The following BCAT1 variants were observed in gnomAD, a reference collection of about 807,000 sequenced individuals.
BCAT1 encodes branched chain amino acid transaminase 1, also known as branched-chain-amino-acid aminotransferase, cytosolic.
In BCAT1, 48 loss-of-function variants were observed where a neutral mutation model predicts 52.4. That is an observed-to-expected ratio of 0.92 (90% CI 0.73 to 1.16). The LOEUF is 1.16. Among genes scored for constraint, BCAT1 ranks in the 50% most tolerant of loss-of-function variants. BCAT1 has a pLI of 0.00. For synonymous variants in BCAT1, 167 were observed against 161.3 expected (o/e 1.04, Z -0.27); for missense variants, 451 against 457.1 (o/e 0.99, Z 0.12).
chr12:24,881,302 G>A lies in BCAT1; in HGVS notation c.389C>T (p.Pro130Leu), dbSNP rs200149271. The change falls in exon 4 of 11, where the codon CCG becomes CTG. Residue 130 changes from proline to leucine, a missense_variant and splice_region_variant. Coordinates refer to ENST00000261192, the MANE Select transcript of BCAT1 (RefSeq NM_005504.7). ...AAAGAAACTCCTACACTTACATACCGGCAGAGTTGCCCTCACAGCAGAGCG... is the reference window on the plus strand; with the variant it reads ...AAAGAAACTCCTACACTTACATACCAGCAGAGTTGCCCTCACAGCAGAGCG... ...MYRSAVRATL[P>L]VFDKEELLEC... is the part of the protein sequence containing the mutation. The A allele has an allele frequency of 2.0e-5, 32 of 1,601,494 alleles. No individual in the cohort carries two copies. The highest frequency in any genetic ancestry group is 3.3e-4 in the Middle Eastern group (2 of 6,064).
At chr12:24,930,896 C>CTTTTT (rs5797108) in intron 1 of BCAT1, among the ~76,000 whole-genome samples, 6 of 96,078 alleles carry the variant, frequency 6.2e-5, no homozygotes, top group African/African-American at 8.5e-5. Context: ...GAACAGGGCC[C>CTTTTT]TTTTTTTTTT....
chr12:24,866,965 G>C (rs577854669), intron 5 of BCAT1, among the ~76,000 whole-genome samples: 3 of 152,258 alleles, frequency 2.0e-5, no homozygotes, highest in Admixed American at 1.3e-4. Flanking sequence ...TCTTGCTGCT[G>C]CTCACTCTTT....
intron 7 of BCAT1, among the ~76,000 whole-genome samples, chr12:24,838,399 G>T (rs925661335): frequency 2.0e-5 from 3 of 151,934 alleles, no homozygotes; most frequent in African/African-American, 7.3e-5. Context: ...TGTTCTTAGG[G>T]CTACTCTTTG....
At chr12:24,831,508 G>A (rs970413802) in intron 9 of BCAT1, among the ~76,000 whole-genome samples, 1 of 152,166 alleles carries the variant, frequency 6.6e-6, no homozygotes. Context: ...AATTAGCTGG[G>A]TGTGGTGGTG....
intron 3 of BCAT1, among the ~76,000 whole-genome samples, chr12:24,883,564 G>A (rs1423508964): frequency 6.6e-6 from 1 of 152,118 alleles, no homozygotes; most frequent in Non-Finnish European, 1.5e-5. Context: ...TTGCACTGCT[G>A]CATTCCAGCC....
intron 6 of BCAT1, among the ~76,000 whole-genome samples, chr12:24,845,823 G>A (rs757684500): frequency 5.3e-5 from 8 of 152,266 alleles, no homozygotes; most frequent in Admixed American, 2.6e-4. Flanking sequence ...TCAGGACACC[G>A]AGGCAGGAGG....
chr12:24,854,554 G>A lies in BCAT1; in HGVS notation c.511-4605C>T, dbSNP rs115228447. 2.4e-3 allele frequency among the ~76,000 whole-genome samples: 368 copies of A among 152,238 alleles called. 1 individual carries two copies. The highest frequency in any genetic ancestry group is 8.6e-3 in the African/African-American group (356 of 41,528). On this transcript the variant is annotated intron_variant, in intron 5 of 10. Transcript: ENST00000261192. ...TCCATACAGGGCTTGAATGCTGTGA[G>A]GGTCAGGAAAGCGAGGGCACTGAAT...
intron 2 of BCAT1, among the ~76,000 whole-genome samples, 157 bp downstream of exon 2, chr12:24,901,657 G>T (rs1278239824): frequency 6.6e-6 from 1 of 152,198 alleles, no homozygotes; most frequent in East Asian, 1.9e-4. Flanking sequence ...CTCTCTAAAT[G>T]GCTTTTTTTC....
At chr12:24,887,956 C>T (rs894736932) in intron 3 of BCAT1, among the ~76,000 whole-genome samples, 1 of 152,098 alleles carries the variant, frequency 6.6e-6, no homozygotes, top group African/African-American at 2.4e-5. Flanking sequence ...TCAATAGGTC[C>T]GATGAGTGAA....
At chr12:24,877,263 C>G (rs116104027) in intron 5 of BCAT1, among the ~76,000 whole-genome samples, 4 of 152,210 alleles carry the variant, frequency 2.6e-5, no homozygotes, top group African/African-American at 9.7e-5. Flanking sequence ...CTATCTCACA[C>G]TCTCTTATTC....
rs1277452085 is a variant in BCAT1, at chr12:24,812,315, A to G, written c.*5693T>C. 2.3e-5 allele frequency: 2 copies of G among 88,464 alleles called. No homozygotes were observed. Among genetic ancestry groups the G allele is most frequent in the African/African-American group, 4.4e-5 (1 of 22,822 alleles). The allele number at this position is 88,464 out of a possible 1,614,324, so 5.5% of individuals were successfully genotyped here. ...ATAGGAGATAGTAAATAGTATCTCT[A>G]AGGGAAAAAAGTCACAATCTACTTC... On this transcript the variant is annotated 3_prime_UTR_variant, in exon 11 of 11. Coordinates refer to ENST00000261192, the MANE Select transcript of BCAT1 (RefSeq NM_005504.7).
At chr12:24,834,567 AC>A in intron 8 of BCAT1, 1 of 973,922 alleles carries the variant, frequency 1.0e-6, no homozygotes, top group Non-Finnish European at 1.2e-6. Flanking sequence ...TAATTTATAA[AC>A]CCACAAGAGA....
intron 5 of BCAT1, among the ~76,000 whole-genome samples, chr12:24,863,465 T>C (rs1941909977): frequency 6.6e-6 from 1 of 152,092 alleles, no homozygotes; most frequent in South Asian, 2.1e-4. Flanking sequence ...GAGTGGAAAA[T>C]GAGCATTTGG....
chr12:24,907,855 A>G (rs944439385), intron 1 of BCAT1, among the ~76,000 whole-genome samples: 15 of 152,082 alleles, frequency 9.9e-5, no homozygotes, highest in African/African-American at 3.6e-4. Flanking sequence ...CTCTTTTCAG[A>G]CTCGGCCCGC....
intron 1 of BCAT1, among the ~76,000 whole-genome samples, chr12:24,907,587 C>T (rs1021389258): frequency 1.3e-5 from 2 of 152,194 alleles, no homozygotes; most frequent in African/African-American, 2.4e-5. Flanking sequence ...GACAATACAC[C>T]CTCCCTGCCC....
Position 24,817,831 on chromosome 12 carries a change from T to G in BCAT1, c.*177A>C. 1.6e-6 allele frequency: 1 copy of G among 639,898 alleles called. No individual in the cohort carries two copies. Among genetic ancestry groups the G allele is most frequent in the Non-Finnish European group, 2.7e-6 (1 of 369,700 alleles). The allele number at this position is 639,898 out of a possible 1,614,324, so 39.6% of individuals were successfully genotyped here. On this transcript the variant is annotated 3_prime_UTR_variant, in exon 11 of 11. Transcript: ENST00000261192. ...TACCAAGTTATGAAACACCATTTGA[T>G]GATTGCAATTCATTTTCTCTGGCAT...
chr12:24,869,697 G>A (rs1395066265), intron 5 of BCAT1, among the ~76,000 whole-genome samples: 3 of 151,942 alleles, frequency 2.0e-5, no homozygotes, highest in African/African-American at 7.3e-5. Flanking sequence ...GATGGGAGAT[G>A]GGGGGACATA....
At chr12:24,825,992 C>T (rs1940379579) in intron 10 of BCAT1, among the ~76,000 whole-genome samples, 1 of 152,006 alleles carries the variant, frequency 6.6e-6, no homozygotes, top group Admixed American at 6.6e-5. Context: ...CAGGAGGATC[C>T]CTTGAGTTCA....
At chr12:24,939,635 G>C (rs1361727524) in intron 1 of BCAT1, among the ~76,000 whole-genome samples, 2 of 152,150 alleles carry the variant, frequency 1.3e-5, no homozygotes, top group East Asian at 3.9e-4. Context: ...TCAGGAGTTT[G>C]AGATCAGCCT....
Sources: allele counts gnomAD v4.1 joint callset (sites outside exome capture counted in the v4.1 genomes callset), GRCh38; gene constraint gnomAD v4.1.1; transcripts MANE v1.5; gene names NCBI Gene and HGNC (gene_info 2026-07-23, HGNC 2026-07-21).